The following NRG1 variants were observed in gnomAD, a reference collection of about 807,000 sequenced individuals.
NRG1 encodes the protein pro-neuregulin-1, membrane-bound isoform.
NRG1 carries 18 observed loss-of-function variants against 63.8 expected under a neutral mutation model. That is an observed-to-expected ratio of 0.28 (90% CI 0.19 to 0.42). NRG1 has a LOEUF of 0.42. Among genes scored for constraint, NRG1 ranks in the 10% least tolerant of loss-of-function variants. The pLI, the probability that NRG1 is intolerant of heterozygous loss-of-function variation, is 1.00. For missense variants in NRG1, 762 were observed against 814.7 expected (o/e 0.94, Z 0.79); for synonymous variants, 302 against 301.3 (o/e 1.00, Z -0.02).
At chr8:32,179,730 G>T (rs1264240456) in intron 1 of NRG1, among the ~76,000 whole-genome samples, 2 of 152,200 alleles carry the variant, frequency 1.3e-5, no homozygotes, top group Non-Finnish European at 2.9e-5. Context: ...TGTAGTCTGA[G>T]CAATGACATT....
chr8:32,771,116 G>A (rs1466348956), downstream of NRG1, among the ~76,000 whole-genome samples: 1 of 151,578 alleles, frequency 6.6e-6, no homozygotes, highest in East Asian at 1.9e-4. Flanking sequence ...TTTTGGTTTT[G>A]GTTTTGTTTT....
chr8:31,883,857 A>G (rs1024308566), intron 1 of NRG1, among the ~76,000 whole-genome samples: 2 of 152,092 alleles, frequency 1.3e-5, no homozygotes, highest in African/African-American at 2.4e-5. Flanking sequence ...TTTTGACGGA[A>G]TGGTCTCTTA....
At chr8:32,056,190 G>T (rs1354309616) in intron 1 of NRG1, among the ~76,000 whole-genome samples, 1 of 152,116 alleles carries the variant, frequency 6.6e-6, no homozygotes, top group East Asian at 1.9e-4. Flanking sequence ...GTAGATTAGT[G>T]ACAGGGGATG....
Position 32,186,167 on chromosome 8 carries a change from CT to C in NRG1, c.38-409660del, listed in dbSNP as rs1385207382. 3.9e-5 allele frequency among the ~76,000 whole-genome samples: 6 copies of C among 152,066 alleles called. 1 individual carries two copies. Among genetic ancestry groups the C allele is most frequent in the Admixed American group, 3.3e-4 (5 of 15,270 alleles). ...AATTTGAGAAACTGATTTTTCTCTT[CT>C]AAAATGAAACACAAGGCCGTGTGCG... is the stretch of plus-strand genomic sequence containing the variant. On this transcript the variant is annotated intron_variant, in intron 1 of 10. Coordinates refer to the NRG1 transcript ENST00000519301.
intron 1 of NRG1, among the ~76,000 whole-genome samples, chr8:31,691,095 A>G (rs1219469345): frequency 2.0e-5 from 3 of 152,206 alleles, no homozygotes; most frequent in Non-Finnish European, 2.9e-5. Context: ...AGGGAAACCA[A>G]CCAAAGAGAG....
intron 1 of NRG1, among the ~76,000 whole-genome samples, chr8:32,132,467 G>A (rs547829814): frequency 1.4e-4 from 21 of 152,192 alleles, no homozygotes; most frequent in Admixed American, 9.8e-4. Flanking sequence ...AGAATGTTCT[G>A]TAGCCCAGGC....
chr8:32,194,095 C>T (rs1313252462), intron 1 of NRG1, among the ~76,000 whole-genome samples: 1 of 152,206 alleles, frequency 6.6e-6, no homozygotes, highest in Admixed American at 6.5e-5. Context: ...GCTCATCTAG[C>T]ATACAGTTCC....
intron 1 of NRG1, among the ~76,000 whole-genome samples, chr8:31,677,339 T>C (rs1255003542): frequency 1.3e-5 from 2 of 152,202 alleles, no homozygotes; most frequent in African/African-American, 2.4e-5. Flanking sequence ...TTTTTATCTA[T>C]CTATGTCTAT....
At chr8:31,748,859 T>C (rs754539275) in intron 1 of NRG1, among the ~76,000 whole-genome samples, 1 of 151,850 alleles carries the variant, frequency 6.6e-6, no homozygotes, top group Non-Finnish European at 1.5e-5. Flanking sequence ...CCAAGTACAG[T>C]GATACGGGAA....
At chr8:32,042,639 A>G (rs1404337401) in intron 1 of NRG1, among the ~76,000 whole-genome samples, 1 of 152,138 alleles carries the variant, frequency 6.6e-6, no homozygotes, top group Non-Finnish European at 1.5e-5. Context: ...AAATGTTCCA[A>G]TGAGTAAGGG....
At chr8:32,198,569 G>A (rs1176182896) in intron 1 of NRG1, among the ~76,000 whole-genome samples, 1 of 152,146 alleles carries the variant, frequency 6.6e-6, no homozygotes, top group African/African-American at 2.4e-5. Flanking sequence ...TTTTCATAAT[G>A]GATCTTTCTC....
chr8:32,523,791 C>T (rs562706637), intron 1 of NRG1, among the ~76,000 whole-genome samples: 4 of 151,916 alleles, frequency 2.6e-5, no homozygotes, highest in South Asian at 2.1e-4. Context: ...CAGAAGTGAG[C>T]GAGATCATGC....
intron 1 of NRG1, among the ~76,000 whole-genome samples, chr8:31,848,119 C>T (rs1474751777): frequency 5.3e-5 from 8 of 152,010 alleles, no homozygotes; most frequent in East Asian, 1.9e-4. Flanking sequence ...GGGGGAAGGC[C>T]GGTAATTCAG....
At chr8:32,092,897 G>A (rs994804820) in intron 1 of NRG1, among the ~76,000 whole-genome samples, 19 of 152,206 alleles carry the variant, frequency 1.2e-4, no homozygotes, top group African/African-American at 3.6e-4. Context: ...GTGTGACCAA[G>A]TGTTGATCAC....
chr8:32,607,484 A>G (rs1845467712), intron 3 of NRG1, among the ~76,000 whole-genome samples: 1 of 152,210 alleles, frequency 6.6e-6, no homozygotes, highest in Non-Finnish European at 1.5e-5. Context: ...TGTCTACAGA[A>G]GTATCATATT....
At chr8:31,820,660 A>G (rs1396787050) in intron 1 of NRG1, among the ~76,000 whole-genome samples, 2 of 152,236 alleles carry the variant, frequency 1.3e-5, no homozygotes, top group African/African-American at 4.8e-5. Context: ...ATGAACTAGA[A>G]TTATGAGCAT....
rs977375777 is a variant in NRG1, at chr8:31,798,618, C to T, written c.37+159187C>T. Among the ~76,000 whole-genome samples the T allele has an allele frequency of 1.3e-4, 20 of 152,190 alleles. 1 individual carries two copies. The highest frequency in any genetic ancestry group is 3.4e-4 in the African/African-American group (14 of 41,532). On this transcript the variant is annotated intron_variant, in intron 1 of 10. Coordinates refer to the NRG1 transcript ENST00000519301. The stretch of plus-strand genomic sequence containing the variant: ...ATTGACTGTTTGCTTTTAGTTAATA[C>T]GGTTTTGTTTGCTTAATACAGAATA...
chr8:32,632,549 C>CAA lies in NRG1; in HGVS notation c.502+15681_502+15682dup, dbSNP rs5890673. Among the ~76,000 whole-genome samples the CAA allele has an allele frequency of 5.5e-3, 600 of 109,834 alleles. 11 individuals carry two copies. Among genetic ancestry groups the CAA allele is most frequent in the African/African-American group, 0.016 (466 of 29,698 alleles). 72.1% of individuals were successfully genotyped at this position (109,834 alleles called of 152,430 possible). ...GGGCAACAAGAGCAAAACTCCATCTCAAAAAAAAAAAAAAAAAATGGACAT... is the reference window on the plus strand; with the variant it reads ...GGGCAACAAGAGCAAAACTCCATCTCAAAAAAAAAAAAAAAAAAAATGGACAT... On this transcript the variant is annotated intron_variant, in intron 5 of 11. Coordinates refer to ENST00000356819, the Ensembl canonical transcript of NRG1.
At chr8:32,407,702 GTA>G (rs1814286600) in intron 1 of NRG1, among the ~76,000 whole-genome samples, 1 of 152,138 alleles carries the variant, frequency 6.6e-6, no homozygotes, top group Non-Finnish European at 1.5e-5. Context: ...CTCGCTGAAA[GTA>G]TCAGGCAAAG....
Sources: allele counts gnomAD v4.1 joint callset (sites outside exome capture counted in the v4.1 genomes callset), GRCh38; gene constraint gnomAD v4.1.1; transcripts MANE v1.5; gene names NCBI Gene and HGNC (gene_info 2026-07-23, HGNC 2026-07-21).